The following ATF6 variants were observed in gnomAD, a reference collection of about 807,000 sequenced individuals.
ATF6 encodes activating transcription factor 6.
Under a neutral mutation model 83.6 loss-of-function variants are expected in ATF6, and 53 were observed. That is an observed-to-expected ratio of 0.63 (90% confidence interval 0.51 to 0.80). The LOEUF (loss-of-function observed/expected upper bound fraction) is 0.80, where lower values mean the gene tolerates loss of function less well. Ranked by LOEUF, ATF6 falls within the 30% of genes least tolerant of loss-of-function variation. The pLI, the probability that ATF6 is intolerant of heterozygous loss-of-function variation, is 0.00. For missense variants in ATF6, 744 were observed against 797.9 expected (o/e 0.93, Z 0.81); for synonymous variants, 288 against 285.8 (o/e 1.01, Z -0.08).
intron 4 of ATF6, among the ~76,000 whole-genome samples, chr1:161,791,150 TG>T (rs966582859): frequency 6.6e-6 from 1 of 151,352 alleles, no homozygotes; most frequent in Non-Finnish European, 1.5e-5. Context: ...TAGGAAGAAA[TG>T]TAGCAACAGA....
At position 161,938,019 on chromosome 1, in the gene ATF6, T is replaced by C. The variant is rs1383658922; in HGVS notation, c.1805-20427T>C. On this transcript the variant is annotated intron_variant, in intron 15 of 15. Transcript: ENST00000367942. The stretch of plus-strand genomic sequence containing the variant: ...TGGTTCTGCCTCCCCTTCCCACACA[T>C]GTACACAAACACATTTGCTTTTCTG... Among the ~76,000 whole-genome samples, 5 of 152,216 alleles carry C rather than the reference T, an allele frequency of 3.3e-5. No homozygotes were observed. The South Asian group carries it at 8.3e-4, about 25-fold the overall frequency.
intron 7 of ATF6, among the ~76,000 whole-genome samples, chr1:161,807,159 C>T (rs923482480): frequency 3.3e-5 from 5 of 152,060 alleles, no homozygotes; most frequent in Admixed American, 6.6e-5. Flanking sequence ...CCCAATAAGA[C>T]GTGTAGGAGC....
intron 7 of ATF6, among the ~76,000 whole-genome samples, chr1:161,812,239 G>A (rs1262141512): frequency 6.6e-6 from 1 of 151,794 alleles, no homozygotes; most frequent in Non-Finnish European, 1.5e-5. Context: ...GGAATGTTAA[G>A]TTTTAGGCTC....
At chr1:161,939,849 T>C (rs1558033739) in intron 15 of ATF6, among the ~76,000 whole-genome samples, 1 of 152,212 alleles carries the variant, frequency 6.6e-6, no homozygotes, top group Non-Finnish European at 1.5e-5. Flanking sequence ...ATATAGTCTT[T>C]AGGTAGGTAG....
At chr1:161,869,410 G>T (rs1687076605) in intron 14 of ATF6, among the ~76,000 whole-genome samples, 1 of 151,796 alleles carries the variant, frequency 6.6e-6, no homozygotes, top group Admixed American at 6.6e-5. Flanking sequence ...TACTTCAAAA[G>T]GGTACAGCTC....
At chr1:161,822,409 T>C (rs12405964) in intron 9 of ATF6, among the ~76,000 whole-genome samples, 21,515 of 152,056 alleles carry the variant, frequency 0.14, 2,055 homozygotes, top group East Asian at 0.31. Context: ...GCTTGGGAGA[T>C]GTAGAAAGCT....
chr1:161,946,292 G>T (rs896072971), intron 15 of ATF6, among the ~76,000 whole-genome samples: 10 of 152,174 alleles, frequency 6.6e-5, no homozygotes, highest in African/African-American at 2.2e-4. Flanking sequence ...ACTACACCTG[G>T]CCCCTGCAGA....
chr1:161,819,105 T>G (rs1179948068), intron 7 of ATF6, among the ~76,000 whole-genome samples: 1 of 152,148 alleles, frequency 6.6e-6, no homozygotes, highest in Non-Finnish European at 1.5e-5. Context: ...AATGAGGGAT[T>G]GAGAAGGACT....
intron 9 of ATF6, among the ~76,000 whole-genome samples, chr1:161,835,556 T>G (rs1686193595): frequency 1.3e-5 from 2 of 152,252 alleles, no homozygotes; most frequent in South Asian, 4.1e-4. Flanking sequence ...TTGTATTTCT[T>G]TCTTCCTATA....
At chr1:161,807,748 AG>A (rs1685326652) in intron 7 of ATF6, among the ~76,000 whole-genome samples, 1 of 151,840 alleles carries the variant, frequency 6.6e-6, no homozygotes, top group South Asian at 2.1e-4. Flanking sequence ...GGAAGTGAAC[AG>A]CTTTTTTTTG....
At chr1:161,807,835 CTGTACTTTT>C (rs1232945811) in intron 7 of ATF6, among the ~76,000 whole-genome samples, 1 of 79,380 alleles carries the variant, frequency 1.3e-5, no homozygotes, top group African/African-American at 5.2e-5. Flanking sequence ...ATTCTTTATT[CTGTACTTTT>C]TGTACTTTTT....
rs779172070 is a variant in ATF6, at chr1:161,784,065, T to C, written c.323T>C (p.Val108Ala). Residue 108 changes from valine (V) to alanine (A), a missense_variant, in exon 4 of 16, where the codon GTG (valine) becomes GCG (alanine). Val to Ala is a moderately conservative substitution (Grantham distance 64, BLOSUM62 0). Transcript: ENST00000367942. Reference sequence around the variant, plus strand: ...TATTCAGTCTCGTCTCCTCGGTCAGTGGACTCTTATTCTTCAACTCAGCAT... The same window carrying C: ...TATTCAGTCTCGTCTCCTCGGTCAGCGGACTCTTATTCTTCAACTCAGCAT... ...SSYSVSSPRS[V>A]DSYSSTQHVP... is the part of the protein sequence containing the mutation. 2 of 1,613,602 alleles carry C rather than the reference T, an allele frequency of 1.2e-6. No individual in the cohort carries two copies. Among genetic ancestry groups the C allele is most frequent in the Non-Finnish European group, 8.5e-7 (1 of 1,179,574 alleles).
At chr1:161,818,276 T>G (rs1393750947) in intron 7 of ATF6, among the ~76,000 whole-genome samples, 1 of 152,196 alleles carries the variant, frequency 6.6e-6, no homozygotes, top group Non-Finnish European at 1.5e-5. Context: ...AGGTTGGCGC[T>G]TTTTATGCAC....
intron 15 of ATF6, among the ~76,000 whole-genome samples, chr1:161,929,844 A>G (rs1188483633): frequency 6.6e-6 from 1 of 152,234 alleles, no homozygotes; most frequent in African/African-American, 2.4e-5. Flanking sequence ...ATAAAGTCCT[A>G]AAGAATGTAG....
At chr1:161,946,525 G>A (rs1688750670) in intron 15 of ATF6, among the ~76,000 whole-genome samples, 1 of 152,160 alleles carries the variant, frequency 6.6e-6, no homozygotes. Flanking sequence ...ATCTCTTTAT[G>A]GTTTGAGTTC....
At chr1:161,815,803 G>A (rs971279314) in intron 7 of ATF6, among the ~76,000 whole-genome samples, 3 of 152,074 alleles carry the variant, frequency 2.0e-5, no homozygotes, top group East Asian at 1.9e-4. Flanking sequence ...AGCCAGGCAC[G>A]GTAGCATGCA....
intron 14 of ATF6, among the ~76,000 whole-genome samples, chr1:161,895,837 A>G (rs1687664465): frequency 6.6e-6 from 1 of 152,218 alleles, no homozygotes; most frequent in Admixed American, 6.5e-5. Context: ...GAACTGTTTC[A>G]GCTTTCATGA....
At position 161,863,211 on chromosome 1, in the gene ATF6, A is replaced by G. The variant is rs761144728; in HGVS notation, c.1618A>G (p.Ser540Gly). 2.3e-5 allele frequency: 37 copies of G among 1,598,042 alleles called. No individual in the cohort carries two copies. Among genetic ancestry groups the G allele is most frequent in the Non-Finnish European group, 2.9e-5 (34 of 1,168,822 alleles). Residue 540 changes from serine (S) to glycine (G), a missense_variant, in exon 14 of 16, where the codon AGT becomes GGT. Ser to Gly is a moderately conservative substitution (Grantham distance 56). Transcript: ENST00000367942. ...TTSSISRNSG[S>G]ELQVYYASPR... ...TTCTTACTTTAGCAGGAACTCAGGG[A>G]GTGAGCTACAAGTGTATTATGCTTC...
intron 1 of ATF6, among the ~76,000 whole-genome samples, chr1:161,774,406 TAC>T (rs60069049): frequency 0.26 from 39,180 of 148,238 alleles, 6,176 homozygotes; most frequent in East Asian, 0.47. Flanking sequence ...TATGGATATG[TAC>T]ACACACACAC....
Sources: allele counts gnomAD v4.1 joint callset (sites outside exome capture counted in the v4.1 genomes callset), GRCh38; gene constraint gnomAD v4.1.1; transcripts MANE v1.5; gene names NCBI Gene and HGNC (gene_info 2026-07-23, HGNC 2026-07-21).